DIS3L: variants seen among roughly 807,000 people sequenced by gnomAD.
DIS3L encodes the protein DIS3 like exosome 3'-5' exoribonuclease, also known as DIS3-like exonuclease 1.
In DIS3L, 100 loss-of-function variants were observed where a neutral mutation model predicts 120.3. The observed-to-expected ratio is 0.83, with a 90% CI of 0.71 to 0.98. The LOEUF (loss-of-function observed/expected upper bound fraction) is 0.98. DIS3L is among the 50% of genes least tolerant of loss of function. The pLI, the probability that DIS3L is intolerant of heterozygous loss-of-function variation, is 0.00. For synonymous variants in DIS3L, 426 were observed against 470.6 expected (o/e 0.91, Z 1.23); for missense variants, 1,196 against 1,314.2 (o/e 0.91, Z 1.39).
intron 14 of DIS3L, chr15:66,329,856 G>A: frequency 3.1e-6 from 3 of 968,046 alleles, no homozygotes; most frequent in Non-Finnish European, 3.7e-6. Flanking sequence ...AGATTGCAGT[G>A]GGCCGAGATC....
Position 66,325,965 on chromosome 15 carries a change from TA to T in DIS3L, c.1804del (p.Ser602AlafsTer31). On this transcript the variant is annotated frameshift_variant, in exon 12 of 17. Transcript: ENST00000319212. LOFTEE classifies it high-confidence loss of function. Reference sequence around the variant, plus strand: ...GCCCAAGAACTACTGGATGGAAACTTAAGCGTTGTTGATGATATTCCAGAAT... The same window carrying T: ...GCCCAAGAACTACTGGATGGAAACTTAGCGTTGTTGATGATATTCCAGAAT... ...EAAQELLDGN[L>X]SVVDDIPEFK... The T allele has an allele frequency of 6.2e-7, 1 of 1,614,184 alleles. No homozygotes were observed. The highest frequency in any genetic ancestry group is 8.5e-7 in the Non-Finnish European group (1 of 1,180,038).
At chr15:66,312,857 C>T (rs977498534) in intron 5 of DIS3L, among the ~76,000 whole-genome samples, 1 of 152,146 alleles carries the variant, frequency 6.6e-6, no homozygotes. Context: ...AATCTAAGAG[C>T]ATCACTCCAA....
intron 5 of DIS3L, among the ~76,000 whole-genome samples, chr15:66,313,235 C>T (rs2092780399): frequency 6.6e-6 from 1 of 151,854 alleles, no homozygotes; most frequent in Non-Finnish European, 1.5e-5. Context: ...ACCTCGTGAT[C>T]CACCCACCTC....
chr15:66,320,825 G>C, intron 9 of DIS3L, 93 bp downstream of exon 9: 2 of 1,461,550 alleles, frequency 1.4e-6, no homozygotes, highest in Non-Finnish European at 1.8e-6. Flanking sequence ...TTGTGCTGTG[G>C]AACAACCCAC....
rs1188081647 is a variant in DIS3L, at chr15:66,306,964, A to C, written c.422+12A>C. The C allele has an allele frequency of 5.0e-6, 8 of 1,613,240 alleles. No homozygotes were observed. Among genetic ancestry groups the C allele is most frequent in the Non-Finnish European group, 6.8e-6 (8 of 1,179,418 alleles). On this transcript the variant is annotated intron_variant, in intron 3 of 16. Transcript: ENST00000319212. ...AAGTGGCAGACCAGGTATGGCCCTG[A>C]CTTGCTGCTGTTTTCACACTGTCGT...
chr15:66,321,063 ACT>A (rs1172399524), intron 9 of DIS3L, among the ~76,000 whole-genome samples: 2 of 152,056 alleles, frequency 1.3e-5, no homozygotes, highest in African/African-American at 2.4e-5. Context: ...TGAGCTCCAC[ACT>A]CTCTGTCCAA....
At chr15:66,323,682 C>T in intron 11 of DIS3L, 97 bp downstream of exon 11, 1 of 1,264,790 alleles carries the variant, frequency 7.9e-7, no homozygotes. Flanking sequence ...CTGCTATGCC[C>T]CACCCCAGCC....
Position 66,329,257 on chromosome 15 carries a change from CAAT to C in DIS3L, c.2396_2398del (p.Ile799del). 6.2e-7 allele frequency: 1 copy of C among 1,609,858 alleles called. No homozygotes were observed. Among genetic ancestry groups the C allele is most frequent in the Non-Finnish European group, 8.5e-7 (1 of 1,178,326 alleles). ...GATAAATATACCCACTTTACTTCTC[CAAT>C]AAGAAGATATTCAGATATTGTAGTA... is the stretch of plus-strand genomic sequence containing the variant. On this transcript the variant is annotated inframe_deletion, in exon 14 of 17. Transcript: ENST00000319212.
chr15:66,330,042 C>T (rs770845748), intron 14 of DIS3L: 6 of 985,194 alleles, frequency 6.1e-6, no homozygotes, highest in Non-Finnish European at 7.2e-6. Flanking sequence ...GTGGCTTGCA[C>T]CTGTATTCCC....
intron 4 of DIS3L, 131 bp from the exon 5 acceptor site, chr15:66,311,593 G>A (rs1432620188): frequency 1.6e-5 from 16 of 1,007,206 alleles, no homozygotes. Context: ...TGAGGCTCAG[G>A]AAGTCCTGCT....
intron 1 of DIS3L, chr15:66,294,111 C>T (rs1271729287): frequency 2.0e-6 from 2 of 985,628 alleles, no homozygotes; most frequent in East Asian, 1.1e-4. Flanking sequence ...AGCTGGGAGC[C>T]CCCGGGAGCT....
At chr15:66,296,520 T>A (rs2092588261) in intron 2 of DIS3L, among the ~76,000 whole-genome samples, 1 of 151,494 alleles carries the variant, frequency 6.6e-6, no homozygotes, top group Admixed American at 6.6e-5. Flanking sequence ...GTCTTTTTTT[T>A]TTTTTTTTTT....
At chr15:66,312,890 G>T (rs1457653542) in intron 5 of DIS3L, among the ~76,000 whole-genome samples, 1 of 152,144 alleles carries the variant, frequency 6.6e-6, no homozygotes, top group Non-Finnish European at 1.5e-5. Flanking sequence ...AAAGTGTGGG[G>T]ATTTTAAATG....
intron 7 of DIS3L, among the ~76,000 whole-genome samples, chr15:66,318,192 T>G (rs1189370531): frequency 1.3e-5 from 2 of 152,178 alleles, no homozygotes; most frequent in Non-Finnish European, 2.9e-5. Context: ...CAGGCTGGTC[T>G]TGAACTCCTG....
intron 1 of DIS3L, 31 bp downstream of exon 1, chr15:66,293,766 C>A: frequency 8.6e-7 from 1 of 1,163,112 alleles, no homozygotes; most frequent in Non-Finnish European, 1.1e-6. Context: ...GGGGACGGGG[C>A]CGGCGGGAGC....
Position 66,308,829 on chromosome 15 carries a change from C to T in DIS3L, c.543C>T (p.Phe181=), listed in dbSNP as rs956446978. The change falls in exon 4 of 17, where the codon TTC becomes TTT. Residue 181 remains phenylalanine (F), a synonymous_variant. Transcript: ENST00000319212. ...QQYGSETEGV[F]VITFKNYLDN... ...ATGGAAGTGAAACAGAAGGAGTATT[C>T]GTGATTACTTTCAAGGTATTTCCAG... is the stretch of plus-strand genomic sequence containing the variant. 20 of 1,612,296 alleles carry T rather than the reference C, an allele frequency of 1.2e-5. No individual in the cohort carries two copies. The highest frequency in any genetic ancestry group is 3.3e-5 in the South Asian group (3 of 90,910).
chr15:66,293,645 CG>C lies in DIS3L; in HGVS notation c.50del (p.Arg17ProfsTer39). On this transcript the variant is annotated frameshift_variant, in exon 1 of 17. Transcript: ENST00000319212. LOFTEE classifies it high-confidence loss of function. ...GCTGCTGCTGAGGACCTTCCAGGGC[CG>C]CACGCTGCGGATCGTGCGCGAGCAC... is the stretch of plus-strand genomic sequence containing the variant. ...KVLLLRTFQG[R>X]TLRIVREHYL... 2 of 1,439,576 alleles carry C rather than the reference CG, an allele frequency of 1.4e-6. No homozygotes were observed. Among genetic ancestry groups the C allele is most frequent in the Non-Finnish European group, 1.8e-6 (2 of 1,097,300 alleles). The allele number at this position is 1,439,576 out of a possible 1,614,324, so 89.2% of individuals were successfully genotyped here.
intron 2 of DIS3L, among the ~76,000 whole-genome samples, chr15:66,301,172 G>C (rs2140326034): frequency 6.6e-6 from 1 of 152,256 alleles, no homozygotes; most frequent in Middle Eastern, 3.4e-3. Context: ...AGGTTTAACT[G>C]CCCCTCTGAG....
chr15:66,295,291 G>A (rs2092574625), intron 2 of DIS3L, 150 bp downstream of exon 2: 1 of 710,404 alleles, frequency 1.4e-6, no homozygotes, highest in Non-Finnish European at 2.2e-6. Flanking sequence ...AGTGAGGAAT[G>A]CAGTAACATT....
Sources: gnomAD v4.1 joint callset for allele counts (sites outside exome capture counted in the v4.1 genomes callset) on GRCh38, gnomAD v4.1.1 for gene constraint, MANE v1.5 for transcripts, NCBI Gene and HGNC (gene_info 2026-07-23, HGNC 2026-07-21) for gene names.